PAGE3: variants seen among roughly 807,000 people sequenced by gnomAD.
PAGE3 encodes PAGE family member 3, also known as P antigen family member 3.
PAGE3 carries 9 observed loss-of-function variants against 3.8 expected under a neutral mutation model. The ratio of observed to expected loss-of-function variants is 2.36; its 90% CI spans 1.42 to 4.12. PAGE3 has a LOEUF of 4.12. PAGE3 is among the 30% of genes most tolerant of loss of function. The probability of loss-of-function intolerance (pLI) is 0.00; values close to 1 mark genes in which losing one functional copy is unlikely to be tolerated. For synonymous variants in PAGE3, 24 were observed against 13.1 expected (o/e 1.83, Z -1.79); for missense variants, 73 against 37.8 (o/e 1.93, Z -2.44).
intron 4 of PAGE3, among the ~76,000 whole-genome samples, chrX:55,259,234 T>C (rs2037345413): frequency 9.0e-6 from 1 of 110,546 alleles, no homozygotes; most frequent in Admixed American, 9.7e-5. Flanking sequence ...TCTCACAATT[T>C]GGCAAAACGG....
intron 3 of PAGE3, among the ~76,000 whole-genome samples, chrX:55,262,321 T>C (rs2146568615): frequency 9.0e-6 from 1 of 111,429 alleles, no homozygotes; most frequent in East Asian, 2.8e-4. Context: ...CAGCTACCTA[T>C]ATGCCAATAT....
chrX:55,259,824 G>A (rs1246651327), intron 4 of PAGE3, among the ~76,000 whole-genome samples: 1 of 110,179 alleles, frequency 9.1e-6, no homozygotes, highest in Non-Finnish European at 1.9e-5. Context: ...TGTATTTAAA[G>A]CAATGATCTT....
intron 4 of PAGE3, 111 bp downstream of exon 4, chrX:55,260,423 A>G: frequency 5.0e-6 from 2 of 402,684 alleles, no homozygotes; most frequent in South Asian, 8.1e-5. Context: ...GAATCTTTAT[A>G]TATGAACTCT....
At chrX:55,263,056 G>A (rs1207592906) in intron 3 of PAGE3, among the ~76,000 whole-genome samples, 195 bp downstream of exon 3, 1 of 110,330 alleles carries the variant, frequency 9.1e-6, no homozygotes, top group East Asian at 2.8e-4. Context: ...AGTAAGTCTT[G>A]AAGGTCGAAT....
intron 1 of PAGE3, 116 bp from the exon 2 acceptor site, chrX:55,264,027 G>C: frequency 2.6e-6 from 1 of 390,735 alleles, no homozygotes; most frequent in African/African-American, 2.6e-5. Context: ...TTAATTTTAA[G>C]ATGTTTTCAA....
chrX:55,262,241 A>G (rs1938299961), intron 3 of PAGE3, among the ~76,000 whole-genome samples: 1 of 111,874 alleles, frequency 8.9e-6, no homozygotes, highest in African/African-American at 3.2e-5. Context: ...GTAGGTACAT[A>G]ACCTTTTGAT....
intron 4 of PAGE3, 84 bp downstream of exon 4, chrX:55,260,450 A>C (rs1938267933): frequency 8.8e-6 from 4 of 454,210 alleles, no homozygotes; most frequent in Admixed American, 3.4e-5. Flanking sequence ...TTATATTAGC[A>C]GTAGTGGTAC....
intron 4 of PAGE3, 46 bp from the exon 5 acceptor site, chrX:55,258,574 T>C: frequency 1.8e-6 from 1 of 557,794 alleles, no homozygotes; most frequent in Non-Finnish European, 3.3e-6. Flanking sequence ...AGCAGAACTT[T>C]TTATGATGAC....
In PAGE3 at chrX:55,263,893, T is replaced by G; in HGVS notation, c.11A>C (p.His4Pro). ...TCTAGATCTGGATCTTGTTCTTTGA[T>G]GTCCACTCATGTTTCACTCTGAAAG... Reference protein sequence around the residue: MSGHQRTRSRSRER... With the variant: MSGPQRTRSRSRER... Residue 4 changes from histidine (H) to proline (P), a missense_variant, in exon 2 of 5, where the codon CAT becomes CCT. By Grantham distance (77) the His-to-Pro change is moderately conservative (BLOSUM62 -2). Transcript: ENST00000374951. The G allele has an allele frequency of 1.8e-6, 1 of 566,997 alleles. No individual in the cohort carries two copies. Among genetic ancestry groups the G allele is most frequent in the Non-Finnish European group, 3.2e-6 (1 of 308,703 alleles). 46.7% of individuals were successfully genotyped at this position (566,997 alleles called of 1,213,427 possible).
intron 3 of PAGE3, among the ~76,000 whole-genome samples, chrX:55,262,774 G>A (rs1374745954): frequency 3.0e-5 from 3 of 99,257 alleles, no homozygotes; most frequent in African/African-American, 1.1e-4. Context: ...TTTATATCTC[G>A]ATGCAAGCTA....
chrX:55,258,889 G>A (rs1396595382), intron 4 of PAGE3, among the ~76,000 whole-genome samples: 2 of 111,061 alleles, frequency 1.8e-5, no homozygotes, highest in Non-Finnish European at 3.8e-5. Flanking sequence ...GGAAACAAAA[G>A]AAATTTGAAA....
At chrX:55,258,589 C>A (rs373519076) in intron 4 of PAGE3, 61 bp from the exon 5 acceptor site, 1 of 539,931 alleles carries the variant, frequency 1.9e-6, no homozygotes, top group East Asian at 3.4e-5. Flanking sequence ...GATGACACTA[C>A]GGGTTGAAAA....
chrX:55,264,420 C>T (rs1938352506), intron 1 of PAGE3, 126 bp downstream of exon 1: 1 of 111,243 alleles, frequency 9.0e-6, no homozygotes, highest in African/African-American at 3.3e-5. Context: ...CAGCGGTTAT[C>T]AGCCCGCAGT....
At chrX:55,261,916 GTAAC>G (rs1938294086) in intron 3 of PAGE3, among the ~76,000 whole-genome samples, 1 of 111,393 alleles carries the variant, frequency 9.0e-6, no homozygotes. Context: ...ACCTATTGGG[GTAAC>G]AAGAAACTTA....
chrX:55,261,631 G>A (rs1385266203), intron 3 of PAGE3, among the ~76,000 whole-genome samples: 1 of 111,249 alleles, frequency 9.0e-6, no homozygotes, highest in Non-Finnish European at 1.9e-5. Context: ...GTGCATTCAG[G>A]GTGGTATGGC....
chrX:55,259,185 A>G (rs1015171553), intron 4 of PAGE3, among the ~76,000 whole-genome samples: 5 of 111,081 alleles, frequency 4.5e-5, no homozygotes, highest in African/African-American at 1.6e-4. Flanking sequence ...GCAAGCCATT[A>G]TTATTATAGA....
At chrX:55,259,441 A>G (rs746234015) in intron 4 of PAGE3, among the ~76,000 whole-genome samples, 163 of 111,672 alleles carry the variant, frequency 1.5e-3, no homozygotes, top group African/African-American at 5.1e-3. Flanking sequence ...ACTGTGGTAT[A>G]GTAAATGATT....
rs1181768582 is a variant in PAGE3 at position 55,260,676 on chromosome X, A to G, written c.194-17T>C. ...GGCCTAGCACTTAAAAATAAAAAAC[A>G]TTACCAATTTAAGTTGTAAAACATA... On this transcript the variant is annotated splice_polypyrimidine_tract_variant and intron_variant, in intron 3 of 4. Transcript: ENST00000374951. 1 of 522,661 alleles carries G rather than the reference A, an allele frequency of 1.9e-6. No homozygotes were observed. Among genetic ancestry groups the G allele is most frequent in the Non-Finnish European group, 3.5e-6 (1 of 289,472 alleles). The allele number at this position is 522,661 out of a possible 1,213,427, so 43.1% of individuals were successfully genotyped here.
At chrX:55,261,346 A>G (rs1279999545) in intron 3 of PAGE3, among the ~76,000 whole-genome samples, 1 of 111,564 alleles carries the variant, frequency 9.0e-6, no homozygotes, top group Non-Finnish European at 1.9e-5. Flanking sequence ...CCCAAATTTA[A>G]TAAACATACA....
Sources: gnomAD v4.1 joint callset for allele counts (sites outside exome capture counted in the v4.1 genomes callset) on GRCh38, gnomAD v4.1.1 for gene constraint, MANE v1.5 for transcripts, NCBI Gene and HGNC (gene_info 2026-07-23, HGNC 2026-07-21) for gene names.